DNAI4: variants seen among roughly 807,000 people sequenced by gnomAD.
The protein encoded by DNAI4 is dynein axonemal intermediate chain 4.
In DNAI4, 85 loss-of-function variants were observed where a neutral mutation model predicts 105.8. The ratio of observed to expected loss-of-function variants is 0.80; its 90% CI spans 0.67 to 0.96. DNAI4 has a LOEUF of 0.96. Among genes scored for constraint, DNAI4 ranks in the 40% least tolerant of loss-of-function variants. The probability of loss-of-function intolerance (pLI) is 0.00; values close to 1 mark genes in which losing one functional copy is unlikely to be tolerated. For missense variants in DNAI4, 1,014 were observed against 1,005.6 expected (o/e 1.01, Z -0.11); for synonymous variants, 352 against 331.5 (o/e 1.06, Z -0.67).
At chr1:66,866,613 C>A (rs1347327844) in intron 6 of DNAI4, among the ~76,000 whole-genome samples, 1 of 151,882 alleles carries the variant, frequency 6.6e-6, no homozygotes, top group East Asian at 1.9e-4. Context: ...TTTTTTGTTT[C>A]ACAGTTGGTT....
chr1:66,902,261 A>T (rs1285773501), intron 2 of DNAI4, among the ~76,000 whole-genome samples: 1 of 152,130 alleles, frequency 6.6e-6, no homozygotes, highest in Non-Finnish European at 1.5e-5. Flanking sequence ...CTGTCATAAT[A>T]GGTATGAAGT....
intron 16 of DNAI4, among the ~76,000 whole-genome samples, chr1:66,821,502 G>A (rs1262092256): frequency 6.6e-6 from 1 of 152,106 alleles, no homozygotes; most frequent in African/African-American, 2.4e-5. Context: ...CTCATCAAAT[G>A]TTTGCCAGTA....
intron 13 of DNAI4, among the ~76,000 whole-genome samples, chr1:66,830,605 T>C (rs1215627957): frequency 6.6e-6 from 1 of 151,836 alleles, no homozygotes; most frequent in Non-Finnish European, 1.5e-5. Flanking sequence ...GGTGAAACCC[T>C]GTCCCTACTA....
rs1313786855 is a variant in DNAI4, at chr1:66,822,360, C to A, written c.2496+1G>T. ...CAAATTTTTTTACTCTTGAGTCTTA[C>A]CCGGCCAGTTTCCAAAACAGTAGGC... is the stretch of plus-strand genomic sequence containing the variant. On this transcript the variant is annotated splice_donor_variant, in intron 16 of 16. Coordinates refer to ENST00000371026, the MANE Select transcript of DNAI4 (RefSeq NM_024763.5). LOFTEE classifies it high-confidence loss of function. 3 of 1,599,688 alleles carry A rather than the reference C, an allele frequency of 1.9e-6. No homozygotes were observed. The highest frequency in any genetic ancestry group is 2.3e-5 in the East Asian group (1 of 44,440).
intron 16 of DNAI4, among the ~76,000 whole-genome samples, chr1:66,815,991 A>G (rs1438590531): frequency 6.6e-6 from 1 of 152,082 alleles, no homozygotes; most frequent in African/African-American, 2.4e-5. Flanking sequence ...AAGGGGCCAG[A>G]GTTTCAGAAA....
chr1:66,918,366 T>C (rs1210989215), intron 1 of DNAI4, among the ~76,000 whole-genome samples: 1 of 152,246 alleles, frequency 6.6e-6, no homozygotes, highest in African/African-American at 2.4e-5. Context: ...TTCTAATTTT[T>C]CTTGGCCACA....
intron 13 of DNAI4, among the ~76,000 whole-genome samples, chr1:66,829,318 T>C (rs375112728): frequency 2.0e-5 from 3 of 152,110 alleles, no homozygotes; most frequent in East Asian, 1.9e-4. Flanking sequence ...ATATGCTACC[T>C]ACAAAAAAAT....
intron 13 of DNAI4, among the ~76,000 whole-genome samples, chr1:66,830,062 C>CAAT (rs1194062656): frequency 6.6e-6 from 1 of 151,738 alleles, no homozygotes; most frequent in East Asian, 1.9e-4. Context: ...GCTGCTAAAG[C>CAAT]AATACTTAGG....
intron 16 of DNAI4, among the ~76,000 whole-genome samples, chr1:66,821,893 C>T (rs961547491): frequency 1.3e-5 from 2 of 151,710 alleles, no homozygotes; most frequent in Non-Finnish European, 2.9e-5. Context: ...TGTCAAAGTT[C>T]GACACAAAAC....
At chr1:66,892,125 A>T (rs1647707536) in intron 3 of DNAI4, among the ~76,000 whole-genome samples, 1 of 152,202 alleles carries the variant, frequency 6.6e-6, no homozygotes, top group Non-Finnish European at 1.5e-5. Flanking sequence ...CCTTAAACAT[A>T]TGAACTTAGC....
At chr1:66,897,080 G>A (rs1251609751) in intron 2 of DNAI4, among the ~76,000 whole-genome samples, 3 of 152,148 alleles carry the variant, frequency 2.0e-5, no homozygotes, top group Non-Finnish European at 4.4e-5. Context: ...TTGCTTAAGT[G>A]GTTGTGAACA....
At chr1:66,893,107 A>AAGAAAGAAAGAAAGAAAG (rs1647977554) in intron 3 of DNAI4, 122 bp downstream of exon 3, 1 of 479,062 alleles carries the variant, frequency 2.1e-6, no homozygotes, top group Non-Finnish European at 3.5e-6. Flanking sequence ...GAAAGAAAGA[A>AAGAAAGAAAGAAAGAAAG]AGAAAGAAAG....
At chr1:66,870,581 T>A (rs1646822281) in intron 6 of DNAI4, among the ~76,000 whole-genome samples, 1 of 150,120 alleles carries the variant, frequency 6.7e-6, no homozygotes, top group African/African-American at 2.5e-5. Flanking sequence ...TGAAAACCCA[T>A]CTCTATAAAA....
chr1:66,824,165 G>A, intron 15 of DNAI4, among the ~76,000 whole-genome samples: 3 of 132,614 alleles, frequency 2.3e-5, no homozygotes, highest in African/African-American at 5.7e-5. Context: ...ATTAAATAGG[G>A]AATCCTTTCC....
chr1:66,907,713 C>T (rs1649366449), intron 1 of DNAI4, among the ~76,000 whole-genome samples: 1 of 152,204 alleles, frequency 6.6e-6, no homozygotes, highest in African/African-American at 2.4e-5. Flanking sequence ...ATTTCAATAT[C>T]CATGAAGGTA....
chr1:66,814,507 T>C (rs1207645634), intron 16 of DNAI4, among the ~76,000 whole-genome samples: 1 of 152,134 alleles, frequency 6.6e-6, no homozygotes, highest in Non-Finnish European at 1.5e-5. Context: ...TGGCTGGGAC[T>C]ACAGGCACGT....
At chr1:66,862,084 A>T in intron 7 of DNAI4, 63 bp downstream of exon 7, 2 of 1,471,086 alleles carry the variant, frequency 1.4e-6, no homozygotes, top group Non-Finnish European at 1.8e-6. Flanking sequence ...ACTGCCAAAA[A>T]AGAATTTATT....
chr1:66,873,924 A>G (rs777045725), intron 5 of DNAI4, among the ~76,000 whole-genome samples: 7 of 120,582 alleles, frequency 5.8e-5, no homozygotes, highest in Non-Finnish European at 1.1e-4. Context: ...AAGGTACGCT[A>G]TTCATGATCT....
intron 4 of DNAI4, among the ~76,000 whole-genome samples, chr1:66,882,513 T>G (rs1327756170): frequency 1.3e-5 from 2 of 151,840 alleles, no homozygotes; most frequent in African/African-American, 2.4e-5. Context: ...GTCTATGCTC[T>G]CTCTCTCTCT....
Sources: allele counts gnomAD v4.1 joint callset (sites outside exome capture counted in the v4.1 genomes callset), GRCh38; gene constraint gnomAD v4.1.1; transcripts MANE v1.5; gene names NCBI Gene and HGNC (gene_info 2026-07-23, HGNC 2026-07-21).